Variants in PHF20 observed in about 807,000 individuals in gnomAD.
PHF20 encodes the protein glioma-expressed antigen 2.
In PHF20, 23 loss-of-function variants were observed where a neutral mutation model predicts 113.5. That is an observed-to-expected ratio of 0.20 (90% CI 0.15 to 0.29). PHF20 has a LOEUF of 0.29. Ranked by LOEUF, PHF20 falls within the 10% of genes least tolerant of loss-of-function variation. The pLI, the probability that PHF20 is intolerant of heterozygous loss-of-function variation, is 1.00. For missense variants in PHF20, 943 were observed against 1,219.6 expected (o/e 0.77, Z 3.38); for synonymous variants, 434 against 457.3 (o/e 0.95, Z 0.65).
chr20:35,910,877 C>T (rs2055287208), intron 10 of PHF20, among the ~76,000 whole-genome samples: 1 of 152,166 alleles, frequency 6.6e-6, no homozygotes, highest in African/African-American at 2.4e-5. Context: ...GATCTGCCTA[C>T]CTTGGCCTCC....
intron 2 of PHF20, among the ~76,000 whole-genome samples, chr20:35,813,959 G>GAAAAAAAAAAAAAAAAAAAAAAAAAAA (rs2042022207): frequency 7.3e-6 from 1 of 136,168 alleles, no homozygotes. Context: ...AAAAAAAAAG[G>GAAAAAAAAAAAAAAAAAAAAAAAAAAA]AAATTGACCT....
intron 1 of PHF20, among the ~76,000 whole-genome samples, chr20:35,793,902 G>A (rs1600738443): frequency 1.3e-5 from 2 of 150,162 alleles, no homozygotes; most frequent in East Asian, 4.0e-4. Flanking sequence ...GGAGGGTGAG[G>A]CAGGAGATGC....
At chr20:35,928,836 A>G (rs1468291712) in intron 14 of PHF20, among the ~76,000 whole-genome samples, 2 of 152,184 alleles carry the variant, frequency 1.3e-5, no homozygotes, top group Non-Finnish European at 2.9e-5. Context: ...CTTGAGGGGA[A>G]GGAGGAAGGC....
At chr20:35,931,166 G>T in intron 14 of PHF20, 83 bp from the exon 15 acceptor site, 2 of 898,656 alleles carry the variant, frequency 2.2e-6, no homozygotes, top group Non-Finnish European at 3.5e-6. Flanking sequence ...TCCAGTAGTT[G>T]GTATGATAAT....
At chr20:35,897,888 T>A (rs1411911546) in intron 9 of PHF20, among the ~76,000 whole-genome samples, 1 of 149,574 alleles carries the variant, frequency 6.7e-6, no homozygotes, top group Non-Finnish European at 1.5e-5. Context: ...TTTTGTTTTG[T>A]TTTTTGAGAC....
intron 9 of PHF20, among the ~76,000 whole-genome samples, chr20:35,882,709 C>T (rs79232078): frequency 0.057 from 8,733 of 152,228 alleles, 363 homozygotes; most frequent in African/African-American, 0.13. Flanking sequence ...AGTCACTATG[C>T]CCAGCCCTAT....
chr20:35,883,294 G>A (rs963895961), intron 9 of PHF20, among the ~76,000 whole-genome samples: 2 of 152,098 alleles, frequency 1.3e-5, no homozygotes, highest in African/African-American at 4.8e-5. Flanking sequence ...CCTAGCCCCT[G>A]CTGAAAGATA....
chr20:35,945,533 G>A (rs1483548922), intron 17 of PHF20, among the ~76,000 whole-genome samples: 1 of 152,158 alleles, frequency 6.6e-6, no homozygotes, highest in African/African-American at 2.4e-5. Context: ...GGACAGGAGA[G>A]GATTGCGCAG....
At position 35,947,596 on chromosome 20, in the gene PHF20, T is replaced by G. The variant is rs1171120384; in HGVS notation, c.3008T>G (p.Val1003Gly). 1 of 1,613,996 alleles carries G rather than the reference T, an allele frequency of 6.2e-7. No individual in the cohort carries two copies. Residue 1003 changes from valine (V) to glycine (G), a missense_variant, in exon 18 of 18, where the codon GTG becomes GGG. Around this residue, in one of 3 missense-constraint regions of PHF20, gnomAD observed 349 missense variants for 412.3 expected, o/e 0.85. Coordinates refer to ENST00000374012, the MANE Select transcript of PHF20 (RefSeq NM_016436.5). ...CAGCTGCTGATGGACCTGGGCAAGG[T>G]GCAGCAGATCGCCCTCTGCTGCTCA... ...IKQLLMDLGK[V>G]QQIALCCST
intron 1 of PHF20, among the ~76,000 whole-genome samples, chr20:35,781,978 A>G (rs956882792): frequency 1.3e-5 from 2 of 151,840 alleles, no homozygotes; most frequent in Non-Finnish European, 2.9e-5. Flanking sequence ...CTCTGTACCC[A>G]TTAAACACTG....
In PHF20 at chr20:35,785,739, T is replaced by A. The variant is rs17093086; in HGVS notation, c.-33+13660T>A. Among the ~76,000 whole-genome samples, 3 of 152,100 alleles carry A rather than the reference T, an allele frequency of 2.0e-5. No homozygotes were observed. The East Asian group carries it at 5.8e-4, about 29-fold the overall frequency. On this transcript the variant is annotated intron_variant, in intron 1 of 17. Coordinates refer to ENST00000374012, the MANE Select transcript of PHF20 (RefSeq NM_016436.5). The stretch of plus-strand genomic sequence containing the variant: ...ATTTCATCTCCAAATTGTTTTCCTT[T>A]GTAATATGGTGATATTTCAATTAAG...
At chr20:35,888,785 A>G (rs933382791) in intron 9 of PHF20, among the ~76,000 whole-genome samples, 3 of 149,520 alleles carry the variant, frequency 2.0e-5, no homozygotes, top group Admixed American at 6.7e-5. Context: ...AATAATTTAC[A>G]TGTCTTCTGC....
At chr20:35,905,557 C>A (rs768929447) in intron 10 of PHF20, among the ~76,000 whole-genome samples, 1 of 152,128 alleles carries the variant, frequency 6.6e-6, no homozygotes, top group Non-Finnish European at 1.5e-5. Context: ...GGAAGAGGGG[C>A]CTCACTGGGA....
chr20:35,820,584 G>T (rs1027352295), intron 2 of PHF20, among the ~76,000 whole-genome samples: 2 of 151,890 alleles, frequency 1.3e-5, no homozygotes, highest in Non-Finnish European at 1.5e-5. Flanking sequence ...AAGTAGCTGG[G>T]ACTACAGGTG....
At chr20:35,904,955 A>G (rs752617710) in intron 10 of PHF20, among the ~76,000 whole-genome samples, 4 of 151,942 alleles carry the variant, frequency 2.6e-5, no homozygotes, top group African/African-American at 9.7e-5. Context: ...CCTCCCGAGT[A>G]GCTGGGATTA....
chr20:35,789,264 C>T (rs562448758), intron 1 of PHF20, among the ~76,000 whole-genome samples: 1 of 152,034 alleles, frequency 6.6e-6, no homozygotes, highest in African/African-American at 2.4e-5. Context: ...TAGCCCGTCT[C>T]TAGTAAAAAT....
At chr20:35,905,524 A>G (rs1037697054) in intron 10 of PHF20, among the ~76,000 whole-genome samples, 2 of 152,246 alleles carry the variant, frequency 1.3e-5, no homozygotes, top group Admixed American at 6.5e-5. Context: ...GGATGTAGCA[A>G]GAAGATGGCC....
At chr20:35,882,673 C>T (rs2054656548) in intron 9 of PHF20, among the ~76,000 whole-genome samples, 1 of 152,198 alleles carries the variant, frequency 6.6e-6, no homozygotes, top group African/African-American at 2.4e-5. Flanking sequence ...GCCTTGGCCT[C>T]CCAAAGTGGT....
intron 4 of PHF20, among the ~76,000 whole-genome samples, chr20:35,857,562 CTTTTTTTTTTTTT>C (rs56655276): frequency 1.0e-3 from 101 of 99,682 alleles, no homozygotes; most frequent in African/African-American, 3.6e-3. Context: ...AATGATGTTC[CTTTTTTTTTTTTT>C]TTTTTTTTTT....
Sources: allele counts gnomAD v4.1 joint callset (sites outside exome capture counted in the v4.1 genomes callset), GRCh38; gene constraint gnomAD v4.1.1; regional missense constraint gnomAD v4.1.1; transcripts MANE v1.5; gene names NCBI Gene and HGNC (gene_info 2026-07-23, HGNC 2026-07-21).